Variants in ZNF710 observed in about 807,000 individuals in gnomAD.
ZNF710 encodes zinc finger protein 710.
In ZNF710, 13 loss-of-function variants were observed where a neutral mutation model predicts 50.6. That is an observed-to-expected ratio of 0.26 (90% CI 0.17 to 0.41). The LOEUF is 0.41. ZNF710 is among the 10% of genes least tolerant of loss of function. The pLI is 1.00. For synonymous variants in ZNF710, 383 were observed against 397.0 expected, an observed-to-expected ratio of 0.96 and a Z score of 0.42; for missense variants, 721 against 936.6, an observed-to-expected ratio of 0.77 and a Z score of 3.01.
At chr15:90,008,422 G>GTATATATATATATACATATA (rs1567218312) in intron 1 of ZNF710, among the ~76,000 whole-genome samples, 18 of 126,950 alleles carry the variant, frequency 1.4e-4, no homozygotes, top group African/African-American at 5.5e-4. Flanking sequence ...GTGTGTGTGT[G>GTATATATATATATACATATA]TGTGTATATA....
intron 1 of ZNF710, among the ~76,000 whole-genome samples, chr15:90,038,067 G>T (rs574722522): frequency 6.6e-6 from 1 of 152,208 alleles, no homozygotes; most frequent in Non-Finnish European, 1.5e-5. Context: ...CCCTCGACCC[G>T]CAGTCGGCTG....
chr15:90,016,995 C>T (rs1018319786), intron 1 of ZNF710, among the ~76,000 whole-genome samples: 7 of 152,186 alleles, frequency 4.6e-5, no homozygotes, highest in African/African-American at 1.2e-4. Flanking sequence ...TGAACCTTAG[C>T]GTTATTTCAA....
intron 1 of ZNF710, among the ~76,000 whole-genome samples, chr15:90,039,742 C>T (rs142596404): frequency 0.018 from 2,784 of 152,256 alleles, 89 homozygotes; most frequent in African/African-American, 0.062. Flanking sequence ...CCTCCAGCAG[C>T]GAGTGGCACC....
intron 1 of ZNF710, among the ~76,000 whole-genome samples, chr15:90,030,479 T>TCA (rs558686548): frequency 9.9e-5 from 15 of 152,252 alleles, no homozygotes; most frequent in African/African-American, 3.6e-4. Flanking sequence ...GTAAGCCTTC[T>TCA]GGGCTTTCAT....
rs945105381 is a variant in ZNF710 at position 90,071,034 on chromosome 15, G to A, written c.1459-2037G>A. ...TCCCAGCACTTTAGGAGGCCGAGGC[G>A]GGCAGATCACAAGGTCAGGAGTTCG... On this transcript the variant is annotated intron_variant, in intron 2 of 4. Coordinates refer to ENST00000268154, the MANE Select transcript of ZNF710 (RefSeq NM_198526.4). Among the ~76,000 whole-genome samples, 8 of 152,136 alleles carry A rather than the reference G, an allele frequency of 5.3e-5. No individual in the cohort carries two copies. The East Asian group carries it at 7.7e-4, about 15-fold the overall frequency.
chr15:90,078,801 G>A (rs560903292), intron 4 of ZNF710, among the ~76,000 whole-genome samples: 2 of 152,324 alleles, frequency 1.3e-5, no homozygotes, highest in East Asian at 3.9e-4. Context: ...CCTGGGGTCT[G>A]TTTCCCCCAA....
intron 1 of ZNF710, among the ~76,000 whole-genome samples, chr15:90,027,722 T>C (rs1898820403): frequency 6.6e-6 from 1 of 151,878 alleles, no homozygotes. Flanking sequence ...TGTGGTGGTG[T>C]GTGCCTATAG....
intron 2 of ZNF710, among the ~76,000 whole-genome samples, chr15:90,070,392 G>A (rs1900337152): frequency 3.3e-5 from 5 of 150,720 alleles, no homozygotes; most frequent in Admixed American, 3.3e-4. Flanking sequence ...GAAGAATTCT[G>A]GGCTGGATGC....
chr15:90,035,821 A>T (rs1050321878), intron 1 of ZNF710, among the ~76,000 whole-genome samples: 6 of 152,262 alleles, frequency 3.9e-5, no homozygotes, highest in African/African-American at 1.4e-4. Flanking sequence ...GTGTAAAATG[A>T]AAATGCAGGT....
intron 1 of ZNF710, among the ~76,000 whole-genome samples, chr15:90,054,604 T>C (rs1311503841): frequency 6.6e-6 from 1 of 152,210 alleles, no homozygotes; most frequent in East Asian, 1.9e-4. Flanking sequence ...CCCCGATGGC[T>C]AGAAATGGTG....
intron 1 of ZNF710, among the ~76,000 whole-genome samples, chr15:90,035,693 T>G (rs1899101705): frequency 6.6e-6 from 1 of 152,236 alleles, no homozygotes. Context: ...GACGTGTATT[T>G]GGATAGCAAA....
At chr15:90,058,153 G>T (rs1899884294) in intron 1 of ZNF710, among the ~76,000 whole-genome samples, 1 of 152,124 alleles carries the variant, frequency 6.6e-6, no homozygotes, top group East Asian at 1.9e-4. Context: ...CTGTGGGAGG[G>T]GCTCTCTCAC....
chr15:90,029,863 C>A (rs1028160816), intron 1 of ZNF710, among the ~76,000 whole-genome samples: 21 of 151,668 alleles, frequency 1.4e-4, no homozygotes, highest in African/African-American at 5.1e-4. Flanking sequence ...GATCCGCCCA[C>A]CTCGGCCTCC....
rs1353319665 is a variant in ZNF710 at position 90,074,303 on chromosome 15, A to G, written c.1825+13A>G. The G allele has an allele frequency of 6.2e-7, 1 of 1,611,760 alleles. No homozygotes were observed. Among genetic ancestry groups the G allele is most frequent in the South Asian group, 1.1e-5 (1 of 91,072 alleles). ...CTGGACAGCCAAGGTGGGTGGGCCAAGCGCAATGGACAGAGCAGGAATGAT... is the reference window on the plus strand; with the variant it reads ...CTGGACAGCCAAGGTGGGTGGGCCAGGCGCAATGGACAGAGCAGGAATGAT... On this transcript the variant is annotated intron_variant, in intron 4 of 4. Transcript: ENST00000268154.
At chr15:90,002,887 T>TTCTTGATATGGAG (rs1156667880) in intron 1 of ZNF710, among the ~76,000 whole-genome samples, 1 of 152,178 alleles carries the variant, frequency 6.6e-6, no homozygotes, top group Admixed American at 6.5e-5. Flanking sequence ...CTTTTCTTTT[T>TTCTTGATATGGAG]TCTTGATATG....
At chr15:90,016,018 C>G (rs1898446675) in intron 1 of ZNF710, among the ~76,000 whole-genome samples, 1 of 152,130 alleles carries the variant, frequency 6.6e-6, no homozygotes, top group Non-Finnish European at 1.5e-5. Flanking sequence ...GGATAGAATG[C>G]CTGCTTATGC....
chr15:90,068,118 C>A lies in ZNF710; in HGVS notation c.981C>A (p.His327Gln), dbSNP rs773258465. 1.4e-5 allele frequency: 22 copies of A among 1,614,292 alleles called. No homozygotes were observed. Among genetic ancestry groups the A allele is most frequent in the African/African-American group, 2.7e-5 (2 of 75,086 alleles). ...HNGIKPHSCP[H>Q]CSKLFKQPSH... is the part of the protein sequence containing the mutation. ...GCATCAAGCCACACTCGTGCCCACA[C>A]TGCAGCAAGCTCTTCAAGCAGCCCA... The change falls in exon 2 of 5, where the codon CAC (histidine) becomes CAA (glutamine). Residue 327 changes from histidine (H) to glutamine (Q), a missense_variant. Physicochemically the swap from His to Gln is conservative, Grantham distance 24 (BLOSUM62 0). This residue lies in a region of ZNF710 where 326 missense variants were observed against 522.0 expected (regional missense o/e 0.62). Coordinates refer to ENST00000268154, the MANE Select transcript of ZNF710 (RefSeq NM_198526.4). This position sits in a 1 kb window ranked among gnomAD's most constrained non-coding sequence, Gnocchi z 5.0.
At position 90,067,188 on chromosome 15, in the gene ZNF710, G is replaced by C. The variant is rs1357756050; in HGVS notation, c.51G>C (p.Leu17=). The C allele has an allele frequency of 1.2e-6, 2 of 1,613,486 alleles. No individual in the cohort carries two copies. The highest frequency in any genetic ancestry group is 1.7e-5 in the Admixed American group (1 of 59,970). ...SGTQTDAVVV[L]SLAQAAVLGL... ...CACAGACGGACGCCGTGGTGGTGCT[G>C]TCCTTGGCTCAGGCCGCCGTGCTTG... The change falls in exon 2 of 5, where the codon CTG becomes CTC. Residue 17 remains leucine (L), a synonymous_variant. Coordinates refer to ENST00000268154, the MANE Select transcript of ZNF710 (RefSeq NM_198526.4). The surrounding 1 kb of genome is among the most constrained non-coding windows in gnomAD (Gnocchi z 8.1).
At chr15:90,042,580 T>A (rs1158538723) in intron 1 of ZNF710, among the ~76,000 whole-genome samples, 3 of 152,112 alleles carry the variant, frequency 2.0e-5, no homozygotes, top group Non-Finnish European at 4.4e-5. Context: ...GTTTGGATGA[T>A]CAGAAGGAAA....
Sources: gnomAD v4.1 joint callset for allele counts (sites outside exome capture counted in the v4.1 genomes callset) on GRCh38, gnomAD v4.1.1 for gene constraint, gnomAD v4.1.1 regional missense constraint, Gnocchi (gnomAD v3.1) non-coding constraint, MANE v1.5 for transcripts, NCBI Gene and HGNC (gene_info 2026-07-23, HGNC 2026-07-21) for gene names.